KIAA1958: variants seen among roughly 807,000 people sequenced by gnomAD.
KIAA1958 encodes the protein KIAA1958.
Under a neutral mutation model 47.2 loss-of-function variants are expected in KIAA1958, and 14 were observed. The ratio of observed to expected loss-of-function variants is 0.30; its 90% CI spans 0.20 to 0.46. The LOEUF is 0.46. Among genes scored for constraint, KIAA1958 ranks in the 20% least tolerant of loss-of-function variants. The pLI, the probability that KIAA1958 is intolerant of heterozygous loss-of-function variation, is 1.00. For missense variants in KIAA1958, 803 were observed against 909.2 expected, an observed-to-expected ratio of 0.88 and a Z score of 1.50; for synonymous variants, 354 against 353.3, an observed-to-expected ratio of 1.00 and a Z score of -0.02.
intron 2 of KIAA1958, among the ~76,000 whole-genome samples, chr9:112,591,148 A>G (rs1435907561): frequency 6.6e-6 from 1 of 152,098 alleles, no homozygotes; most frequent in Non-Finnish European, 1.5e-5. Flanking sequence ...CTGTGGTGCC[A>G]CCTCGGCTCA....
At chr9:112,506,355 C>T (rs1291588972) in intron 1 of KIAA1958, among the ~76,000 whole-genome samples, 2 of 152,104 alleles carry the variant, frequency 1.3e-5, no homozygotes, top group Non-Finnish European at 2.9e-5. Context: ...TCTCGGGAGG[C>T]TGAGACAGGA....
rs1200917026 is a variant in KIAA1958 at position 112,663,710 on chromosome 9, G to A, written c.*3641G>A. The A allele has an allele frequency of 1.3e-5, 2 of 152,224 alleles. No homozygotes were observed. The highest frequency in any genetic ancestry group is 2.9e-5 in the Non-Finnish European group (2 of 68,034). 9.4% of individuals were successfully genotyped at this position (152,224 alleles called of 1,614,324 possible). Reference sequence around the variant, plus strand: ...TTTATGGAAGTACCTAACCAAAGCTGTGACAGAAGGGTCTCCTTGGTCATG... The same window carrying A: ...TTTATGGAAGTACCTAACCAAAGCTATGACAGAAGGGTCTCCTTGGTCATG... On this transcript the variant is annotated 3_prime_UTR_variant, in exon 4 of 4. Coordinates refer to ENST00000337530, the MANE Select transcript of KIAA1958 (RefSeq NM_133465.4).
At chr9:112,622,190 A>G (rs1283523548) in intron 2 of KIAA1958, among the ~76,000 whole-genome samples, 1 of 152,254 alleles carries the variant, frequency 6.6e-6, no homozygotes, top group Non-Finnish European at 1.5e-5. Context: ...AATTGCATAT[A>G]TACTTTAGCA....
intron 2 of KIAA1958, among the ~76,000 whole-genome samples, chr9:112,615,576 A>G (rs555518468): frequency 1.5e-3 from 231 of 152,300 alleles, no homozygotes; most frequent in Non-Finnish European, 3.0e-3. Flanking sequence ...GCTTTTTGGT[A>G]GTTCTGCAGA....
chr9:112,592,178 T>A (rs1564184136), intron 2 of KIAA1958, among the ~76,000 whole-genome samples: 1 of 152,190 alleles, frequency 6.6e-6, no homozygotes, highest in Admixed American at 6.5e-5. Context: ...CGAAAAAGGT[T>A]GCTTTACGAG....
At chr9:112,504,969 A>G (rs1227985117) in intron 1 of KIAA1958, among the ~76,000 whole-genome samples, 3 of 152,140 alleles carry the variant, frequency 2.0e-5, no homozygotes, top group Admixed American at 6.5e-5. Flanking sequence ...TCTGCCATCT[A>G]ACGTTGAATT....
At chr9:112,659,010 ACT>A (rs1420076503) in intron 3 of KIAA1958, among the ~76,000 whole-genome samples, 1 of 130,936 alleles carries the variant, frequency 7.6e-6, no homozygotes, top group African/African-American at 3.0e-5. Flanking sequence ...ACAGAGCAAG[ACT>A]CTGACTCAAA....
intron 2 of KIAA1958, among the ~76,000 whole-genome samples, chr9:112,591,488 C>T (rs1311279633): frequency 6.6e-6 from 1 of 152,036 alleles, no homozygotes; most frequent in Non-Finnish European, 1.5e-5. Flanking sequence ...AAAACCATAA[C>T]TTCATTCCCT....
At chr9:112,584,438 T>C (rs1232666033) in intron 2 of KIAA1958, among the ~76,000 whole-genome samples, 1 of 152,230 alleles carries the variant, frequency 6.6e-6, no homozygotes, top group East Asian at 1.9e-4. Flanking sequence ...TTGTGGAATA[T>C]TTACGAAGGC....
chr9:112,612,728 G>A (rs1169763409), intron 2 of KIAA1958, among the ~76,000 whole-genome samples: 2 of 152,112 alleles, frequency 1.3e-5, no homozygotes, highest in East Asian at 3.9e-4. Context: ...ATATGTGCAG[G>A]GCGGTAGCAA....
At chr9:112,584,065 T>TAA (rs545018654) in intron 2 of KIAA1958, among the ~76,000 whole-genome samples, 5 of 147,358 alleles carry the variant, frequency 3.4e-5, no homozygotes, top group Non-Finnish European at 6.0e-5. Context: ...CCCAGTCTCT[T>TAA]AAAAAAAAAA....
intron 2 of KIAA1958, among the ~76,000 whole-genome samples, chr9:112,617,554 C>G (rs2131216048): frequency 6.6e-6 from 1 of 152,230 alleles, no homozygotes; most frequent in South Asian, 2.1e-4. Flanking sequence ...CATTTCTGTC[C>G]CACATTTTTC....
At chr9:112,603,277 A>G (rs915658697) in intron 2 of KIAA1958, among the ~76,000 whole-genome samples, 3 of 152,092 alleles carry the variant, frequency 2.0e-5, no homozygotes, top group Admixed American at 1.3e-4. Flanking sequence ...TAACATATTC[A>G]GTCTCTTCTC....
At chr9:112,571,773 C>T (rs1835538608) in intron 1 of KIAA1958, among the ~76,000 whole-genome samples, 1 of 147,950 alleles carries the variant, frequency 6.8e-6, no homozygotes, top group South Asian at 2.1e-4. Context: ...CCTAGGGACA[C>T]CCCTAGGTTA....
chr9:112,614,115 T>C (rs546884863), intron 2 of KIAA1958, among the ~76,000 whole-genome samples: 15 of 152,172 alleles, frequency 9.9e-5, no homozygotes, highest in African/African-American at 1.4e-4. Flanking sequence ...ACAGTATGGA[T>C]GAAGTTCACA....
chr9:112,601,341 G>A (rs1836128322), intron 2 of KIAA1958, among the ~76,000 whole-genome samples: 1 of 152,112 alleles, frequency 6.6e-6, no homozygotes, highest in Admixed American at 6.6e-5. Context: ...TATTCTGCCT[G>A]GGAAATAAAA....
intron 1 of KIAA1958, among the ~76,000 whole-genome samples, chr9:112,520,912 A>C (rs1360215157): frequency 6.6e-6 from 1 of 152,198 alleles, no homozygotes; most frequent in East Asian, 1.9e-4. Flanking sequence ...GGCGGTGCTA[A>C]ATAAATGATT....
chr9:112,571,496 T>C (rs1480718094), intron 1 of KIAA1958, among the ~76,000 whole-genome samples: 1 of 152,182 alleles, frequency 6.6e-6, no homozygotes, highest in Non-Finnish European at 1.5e-5. Flanking sequence ...GACTGTGTCA[T>C]AGGGCCACCC....
chr9:112,593,098 C>A (rs1018108236), intron 2 of KIAA1958, among the ~76,000 whole-genome samples: 1 of 151,874 alleles, frequency 6.6e-6, no homozygotes, highest in African/African-American at 2.4e-5. Context: ...ATTCTATGTA[C>A]TTTTTTTTGG....
Sources: allele counts gnomAD v4.1 joint callset (sites outside exome capture counted in the v4.1 genomes callset), GRCh38; gene constraint gnomAD v4.1.1; transcripts MANE v1.5; gene names NCBI Gene and HGNC (gene_info 2026-07-23, HGNC 2026-07-21).